Variants in SEMA3C observed in about 807,000 individuals in gnomAD.
SEMA3C encodes the protein semaphorin 3C.
Under a neutral mutation model 89.4 loss-of-function variants are expected in SEMA3C, and 47 were observed. The observed-to-expected ratio is 0.53, with a 90% CI of 0.42 to 0.67. The LOEUF (loss-of-function observed/expected upper bound fraction) is 0.67. Ranked by LOEUF, SEMA3C falls within the 30% of genes least tolerant of loss-of-function variation. The probability of loss-of-function intolerance (pLI) is 0.00; values close to 1 mark genes in which losing one functional copy is unlikely to be tolerated. For missense variants in SEMA3C, 839 were observed against 929.1 expected (o/e 0.90, Z 1.26); for synonymous variants, 310 against 320.2 (o/e 0.97, Z 0.34).
chr7:80,886,876 T>C (rs2116128454), intron 2 of SEMA3C, among the ~76,000 whole-genome samples: 1 of 152,278 alleles, frequency 6.6e-6, no homozygotes, highest in Admixed American at 6.5e-5. Context: ...ACCAAGTCTA[T>C]TTTTTTAAAT....
intron 9 of SEMA3C, among the ~76,000 whole-genome samples, chr7:80,801,546 G>T (rs949966974): frequency 6.6e-6 from 1 of 151,914 alleles, no homozygotes; most frequent in Admixed American, 6.6e-5. Context: ...GAAAGGCCCA[G>T]ACATAGTGAC....
At chr7:80,800,999 T>A (rs1370415833) in intron 9 of SEMA3C, among the ~76,000 whole-genome samples, 173 bp from the exon 10 acceptor site, 1 of 152,012 alleles carries the variant, frequency 6.6e-6, no homozygotes, top group Non-Finnish European at 1.5e-5. Flanking sequence ...TTAAATTAAA[T>A]TAATACAGAT....
Position 80,748,974 on chromosome 7 carries a change from A to G in SEMA3C, c.1766T>C (p.Phe589Ser). The G allele has an allele frequency of 6.2e-7, 1 of 1,613,506 alleles. No homozygotes were observed. The highest frequency in any genetic ancestry group is 1.3e-5 in the African/African-American group (1 of 74,958). ...VQYGVKNNTT[F>S]LECAPKSPQA... ...CGGAGACTTGGGGGCACACTCCAGA[A>G]AAGTGGTGTTATTTTTTACTCCATA... Residue 589 changes from phenylalanine (F) to serine (S), a missense_variant, in exon 17 of 18, where the codon TTT (phenylalanine) becomes TCT (serine). Transcript: ENST00000265361.
At chr7:80,897,550 T>C (rs1376841721) in intron 2 of SEMA3C, among the ~76,000 whole-genome samples, 1 of 152,052 alleles carries the variant, frequency 6.6e-6, no homozygotes, top group African/African-American at 2.4e-5. Flanking sequence ...GAGATGTTCA[T>C]GATAGGAAAC....
intron 12 of SEMA3C, among the ~76,000 whole-genome samples, chr7:80,788,622 A>C (rs1403331575): frequency 6.6e-6 from 1 of 152,210 alleles, no homozygotes; most frequent in Non-Finnish European, 1.5e-5. Flanking sequence ...GTCTATAAAC[A>C]AGCACATTTT....
intron 13 of SEMA3C, 33 bp from the exon 14 acceptor site, chr7:80,761,690 C>G: frequency 8.4e-7 from 1 of 1,194,110 alleles, no homozygotes. Context: ...GTTAGTTGCT[C>G]AAATATTGCT....
At chr7:80,863,990 T>C (rs575147964) in intron 2 of SEMA3C, among the ~76,000 whole-genome samples, 1 of 148,520 alleles carries the variant, frequency 6.7e-6, no homozygotes, top group South Asian at 2.1e-4. Flanking sequence ...ATATCACATG[T>C]ATATCACATA....
At chr7:80,910,324 G>C in intron 2 of SEMA3C, among the ~76,000 whole-genome samples, 1 of 152,172 alleles carries the variant, frequency 6.6e-6, no homozygotes, top group Non-Finnish European at 1.5e-5. Context: ...ATTCTCATTG[G>C]ATAAGGAGGA....
rs565651065 is a variant in SEMA3C, at chr7:80,851,692, A to G, written c.104-22947T>C. 4.6e-5 allele frequency among the ~76,000 whole-genome samples: 7 copies of G among 152,146 alleles called. No homozygotes were observed. The East Asian group carries it at 1.4e-3, about 30-fold the overall frequency. On this transcript the variant is annotated intron_variant, in intron 2 of 17. Coordinates refer to ENST00000265361, the MANE Select transcript of SEMA3C (RefSeq NM_006379.5). ...AGAGGGCATCATTAAGCAGGAGGGG[A>G]AAAACTGCCTTTTATGGATAATGGT...
At chr7:80,919,202 C>T, upstream of SEMA3C, 1 of 985,054 alleles carries the variant, frequency 1.0e-6, no homozygotes, top group African/African-American at 1.7e-5. Flanking sequence ...CCGCGAGGCC[C>T]CACCCCGAGC....
At chr7:80,885,392 G>A (rs1372494353) in intron 2 of SEMA3C, among the ~76,000 whole-genome samples, 8 of 152,016 alleles carry the variant, frequency 5.3e-5, no homozygotes, top group East Asian at 1.9e-4. Context: ...TGAGGTGGGC[G>A]GACTGCTTGA....
At chr7:80,753,363 G>A (rs1042695854) in intron 15 of SEMA3C, among the ~76,000 whole-genome samples, 44 of 152,256 alleles carry the variant, frequency 2.9e-4, no homozygotes, top group African/African-American at 9.6e-4. Flanking sequence ...TCATGAGAGC[G>A]TTTTCAGCCA....
chr7:80,843,997 T>C (rs1307011170), intron 2 of SEMA3C, among the ~76,000 whole-genome samples: 2 of 152,124 alleles, frequency 1.3e-5, no homozygotes, highest in East Asian at 1.9e-4. Context: ...AAAAATGTTA[T>C]TAACCAAGTT....
At chr7:80,778,964 C>T (rs1375442440) in intron 12 of SEMA3C, among the ~76,000 whole-genome samples, 1 of 152,082 alleles carries the variant, frequency 6.6e-6, no homozygotes, top group African/African-American at 2.4e-5. Context: ...AATTCCTTAT[C>T]TGCATGGTCT....
intron 2 of SEMA3C, among the ~76,000 whole-genome samples, chr7:80,836,754 G>T: frequency 6.6e-6 from 1 of 152,062 alleles, no homozygotes; most frequent in Non-Finnish European, 1.5e-5. Flanking sequence ...TATCTCCCAC[G>T]CATTGCATCA....
chr7:80,778,280 T>C lies in SEMA3C; in HGVS notation c.1354+11026A>G, dbSNP rs116854688. On this transcript the variant is annotated intron_variant, in intron 12 of 17. Coordinates refer to ENST00000265361, the MANE Select transcript of SEMA3C (RefSeq NM_006379.5). ...CATTAAGAATTGTTTCTATTTATATTTTAATTTCAGATAAACTGACACACC... is the reference window on the plus strand; with the variant it reads ...CATTAAGAATTGTTTCTATTTATATCTTAATTTCAGATAAACTGACACACC... 0.012 allele frequency among the ~76,000 whole-genome samples: 1,761 copies of C among 152,340 alleles called. 64 individuals carry two copies. The East Asian group carries it at 0.14, about 12-fold the overall frequency.
In SEMA3C at chr7:80,781,732, T is replaced by C. The variant is rs142330494; in HGVS notation, c.1354+7574A>G. On this transcript the variant is annotated intron_variant, in intron 12 of 17. Coordinates refer to ENST00000265361, the MANE Select transcript of SEMA3C (RefSeq NM_006379.5). ...CTGTTTATTCTTGACACACAGACAA[T>C]AGACTGCATCATTTAATGTCTTCAG... is the stretch of plus-strand genomic sequence containing the variant. Among the ~76,000 whole-genome samples the C allele has an allele frequency of 6.0e-4, 92 of 152,254 alleles. 2 individuals are homozygous for C. In the East Asian group the frequency reaches 0.016, roughly 27 times the overall value.
intron 16 of SEMA3C, 22 bp from the exon 17 acceptor site, chr7:80,749,050 CGAGA>C (rs1787865711): frequency 6.3e-7 from 1 of 1,577,296 alleles, no homozygotes; most frequent in South Asian, 1.2e-5. Context: ...AAATAAAAGG[CGAGA>C]GAGAAAGAAA....
intron 12 of SEMA3C, among the ~76,000 whole-genome samples, chr7:80,774,783 T>C (rs539883823): frequency 4.6e-5 from 7 of 151,768 alleles, no homozygotes; most frequent in East Asian, 3.9e-4. Context: ...AATAGAGAGA[T>C]TGGAGAAGAA....
Sources: gnomAD v4.1 joint callset for allele counts (sites outside exome capture counted in the v4.1 genomes callset) on GRCh38, gnomAD v4.1.1 for gene constraint, MANE v1.5 for transcripts, NCBI Gene and HGNC (gene_info 2026-07-23, HGNC 2026-07-21) for gene names.